The following PTPRK variants were observed in gnomAD, a reference collection of about 807,000 sequenced individuals.
PTPRK encodes protein tyrosine phosphatase receptor type K.
In PTPRK, 75 loss-of-function variants were observed where a neutral mutation model predicts 178.0. The ratio of observed to expected loss-of-function variants is 0.42; its 90% CI spans 0.35 to 0.51. The LOEUF (loss-of-function observed/expected upper bound fraction) is 0.51. Among genes scored for constraint, PTPRK ranks in the 20% least tolerant of loss-of-function variants. The pLI is 0.02. For missense variants in PTPRK, 1,441 were observed against 1,797.8 expected (o/e 0.80, Z 3.59); for synonymous variants, 637 against 620.6 (o/e 1.03, Z -0.39).
At chr6:128,289,454 T>A (rs1287052581) in intron 3 of PTPRK, among the ~76,000 whole-genome samples, 1 of 152,188 alleles carries the variant, frequency 6.6e-6, no homozygotes, top group Non-Finnish European at 1.5e-5. Flanking sequence ...AATGTCTGAC[T>A]TACAGTTTAA....
chr6:128,134,774 A>T (rs1475490937), intron 7 of PTPRK, among the ~76,000 whole-genome samples: 1 of 152,178 alleles, frequency 6.6e-6, no homozygotes, highest in Non-Finnish European at 1.5e-5. Context: ...ACTGCACTCC[A>T]GCCTGGGTGA....
chr6:128,399,848 T>C (rs918552142), intron 1 of PTPRK, among the ~76,000 whole-genome samples: 1 of 152,218 alleles, frequency 6.6e-6, no homozygotes, highest in Non-Finnish European at 1.5e-5. Context: ...TGCTTGCTAT[T>C]TGTTGCACAT....
intron 7 of PTPRK, among the ~76,000 whole-genome samples, chr6:128,106,106 C>CA (rs1310175526): frequency 2.0e-5 from 3 of 151,808 alleles, no homozygotes; most frequent in East Asian, 3.9e-4. Context: ...ATGAGAAAAA[C>CA]AAAAAACTAG....
chr6:128,235,505 C>T (rs572913614), intron 5 of PTPRK: 27 of 420,310 alleles, frequency 6.4e-5, no homozygotes, highest in East Asian at 4.7e-4. Context: ...TCACAAATTC[C>T]GTATCATTGA....
chr6:128,465,452 G>GTTA (rs372178148), intron 1 of PTPRK, among the ~76,000 whole-genome samples: 1 of 152,014 alleles, frequency 6.6e-6, no homozygotes, highest in African/African-American at 2.4e-5. Context: ...ATTCCTTAGG[G>GTTA]TTCTAAGTAC....
intron 6 of PTPRK, among the ~76,000 whole-genome samples, chr6:128,186,929 A>G (rs1802861733): frequency 6.6e-6 from 1 of 152,158 alleles, no homozygotes; most frequent in Admixed American, 6.5e-5. Flanking sequence ...GTTGCCTCAT[A>G]TGTGCAATAT....
At chr6:128,468,567 G>C (rs1353240835) in intron 1 of PTPRK, among the ~76,000 whole-genome samples, 1 of 151,980 alleles carries the variant, frequency 6.6e-6, no homozygotes, top group African/African-American at 2.4e-5. Context: ...GATATAAATT[G>C]TCATGAGTAG....
At chr6:128,179,322 C>T (rs1801562627) in intron 7 of PTPRK, among the ~76,000 whole-genome samples, 1 of 151,964 alleles carries the variant, frequency 6.6e-6, no homozygotes, top group South Asian at 2.1e-4. Flanking sequence ...ATTTTTCAAA[C>T]AGAAGTATTC....
chr6:128,157,018 A>G (rs1041636165), intron 7 of PTPRK, among the ~76,000 whole-genome samples: 6 of 152,044 alleles, frequency 3.9e-5, no homozygotes, highest in Non-Finnish European at 7.4e-5. Flanking sequence ...CAAATGAATT[A>G]CTACAGATCC....
At chr6:128,196,248 A>G (rs1804838287) in intron 6 of PTPRK, among the ~76,000 whole-genome samples, 3 of 152,098 alleles carry the variant, frequency 2.0e-5, no homozygotes, top group African/African-American at 2.4e-5. Flanking sequence ...AAATATTTTA[A>G]TCATCTAATT....
chr6:128,163,108 T>C (rs546532888), intron 7 of PTPRK, among the ~76,000 whole-genome samples: 3 of 151,398 alleles, frequency 2.0e-5, no homozygotes, highest in South Asian at 2.1e-4. Context: ...CTTTACTTCA[T>C]TGAGATGTTT....
Position 127,985,783 on chromosome 6 carries a change from G to T in PTPRK, c.3189C>A (p.Ser1063=). The change falls in exon 22 of 30, where the codon TCC becomes TCA. Residue 1063 remains serine (S), a synonymous_variant. Coordinates refer to ENST00000368226, the MANE Select transcript of PTPRK (RefSeq NM_002844.4). ...GVPYHATGLL[S]FIRRVKLSNP... ...TTGATAACTTGACTCGCCGGATAAA[G>T]GAAAGCAGCCCTGTAGCATGGTAGG... 1 of 1,613,942 alleles carries T rather than the reference G, an allele frequency of 6.2e-7. No individual in the cohort carries two copies. Among genetic ancestry groups the T allele is most frequent in the Non-Finnish European group, 8.5e-7 (1 of 1,179,888 alleles).
intron 1 of PTPRK, among the ~76,000 whole-genome samples, chr6:128,414,584 C>T (rs1175753441): frequency 6.6e-6 from 1 of 152,172 alleles, no homozygotes; most frequent in African/African-American, 2.4e-5. Flanking sequence ...CTTGCCACTA[C>T]TTATTTGTAA....
Position 128,493,338 on chromosome 6 carries a change from T to G in PTPRK, c.100+26921A>C, listed in dbSNP as rs562018729. On this transcript the variant is annotated intron_variant, in intron 1 of 29. Transcript: ENST00000368226. The stretch of plus-strand genomic sequence containing the variant: ...AGCACTTTGGGAGGCCAAGGTGGGC[T>G]GATCACGAGGTCAGGAGATCAAGAC... Among the ~76,000 whole-genome samples the G allele has an allele frequency of 4.9e-3, 743 of 152,172 alleles. 6 individuals carry two copies. The highest frequency in any genetic ancestry group is 0.015 in the African/African-American group (637 of 41,538).
chr6:128,135,114 A>ACACACACACACACACTCT (rs1175958889), intron 7 of PTPRK, among the ~76,000 whole-genome samples: 1 of 149,762 alleles, frequency 6.7e-6, no homozygotes, highest in African/African-American at 2.5e-5. Context: ...ACACACACAC[A>ACACACACACACACACTCT]CTCTCCTAAT....
chr6:128,161,992 A>G (rs1798774373), intron 7 of PTPRK, among the ~76,000 whole-genome samples: 2 of 151,626 alleles, frequency 1.3e-5, no homozygotes, highest in Non-Finnish European at 3.0e-5. Flanking sequence ...ATATTCTTTC[A>G]CTAAGAACTA....
At chr6:128,088,558 C>T (rs1786367724) in intron 8 of PTPRK, among the ~76,000 whole-genome samples, 2 of 151,908 alleles carry the variant, frequency 1.3e-5, no homozygotes, top group African/African-American at 4.8e-5. Context: ...TTTCTACATG[C>T]CTTAATTCAT....
At chr6:127,971,475 G>A (rs1423905080) in intron 29 of PTPRK, among the ~76,000 whole-genome samples, 3 of 152,130 alleles carry the variant, frequency 2.0e-5, no homozygotes, top group Admixed American at 6.6e-5. Context: ...TGTGGCGAGT[G>A]CATTCAAGGA....
At chr6:128,100,401 C>A (rs1360054394) in intron 7 of PTPRK, among the ~76,000 whole-genome samples, 1 of 151,892 alleles carries the variant, frequency 6.6e-6, no homozygotes, top group Non-Finnish European at 1.5e-5. Flanking sequence ...AAAATCATAG[C>A]AAACTCAGCC....
Sources: allele counts gnomAD v4.1 joint callset (sites outside exome capture counted in the v4.1 genomes callset), GRCh38; gene constraint gnomAD v4.1.1; transcripts MANE v1.5; gene names NCBI Gene and HGNC (gene_info 2026-07-23, HGNC 2026-07-21).